Variants in RORA observed in about 807,000 individuals in gnomAD.
RORA encodes the protein RAR related orphan receptor A, also known as nuclear receptor ROR-alpha.
Under a neutral mutation model 69.5 loss-of-function variants are expected in RORA, and 7 were observed. That is an observed-to-expected ratio of 0.10 (90% CI 0.06 to 0.19). RORA has a LOEUF of 0.19. Ranked by LOEUF, RORA falls within the 10% of genes least tolerant of loss-of-function variation. The probability of loss-of-function intolerance (pLI) is 1.00; values close to 1 mark genes in which losing one functional copy is unlikely to be tolerated. For missense variants in RORA, 457 were observed against 663.0 expected (o/e 0.69, Z 3.41); for synonymous variants, 261 against 240.8 (o/e 1.08, Z -0.78).
chr15:60,839,255 A>G (rs1278336059), intron 1 of RORA, among the ~76,000 whole-genome samples: 2 of 152,170 alleles, frequency 1.3e-5, no homozygotes, highest in Non-Finnish European at 2.9e-5. Flanking sequence ...GTATTAATAT[A>G]TTGTACCCTT....
intron 1 of RORA, among the ~76,000 whole-genome samples, chr15:61,169,810 G>C (rs778292129): frequency 3.3e-5 from 5 of 152,064 alleles, no homozygotes; most frequent in African/African-American, 4.8e-5. Context: ...CCTGGTACAG[G>C]GCACCTGGGA....
chr15:61,044,258 G>C (rs956456752), intron 1 of RORA, among the ~76,000 whole-genome samples: 8 of 152,204 alleles, frequency 5.3e-5, no homozygotes, highest in Admixed American at 5.2e-4. Context: ...TGCTCCTCAA[G>C]TGAGGAGGCC....
At chr15:60,535,363 C>T (rs1018666160) in intron 2 of RORA, among the ~76,000 whole-genome samples, 1 of 152,172 alleles carries the variant, frequency 6.6e-6, no homozygotes, top group African/African-American at 2.4e-5. Context: ...ACATTTTCAG[C>T]CCTATTGCCT....
chr15:60,970,189 C>T (rs1302915305), intron 1 of RORA, among the ~76,000 whole-genome samples: 2 of 152,188 alleles, frequency 1.3e-5, no homozygotes, highest in Non-Finnish European at 2.9e-5. Flanking sequence ...TTGTTTAAGC[C>T]ACTCAGTCTA....
At chr15:60,982,040 T>G (rs1894059139) in intron 1 of RORA, among the ~76,000 whole-genome samples, 1 of 152,254 alleles carries the variant, frequency 6.6e-6, no homozygotes, top group African/African-American at 2.4e-5. Flanking sequence ...ACGTCATGTG[T>G]AGCCACTGAA....
intron 1 of RORA, among the ~76,000 whole-genome samples, chr15:61,223,584 C>T (rs1267574478): frequency 6.6e-6 from 1 of 152,202 alleles, no homozygotes; most frequent in Non-Finnish European, 1.5e-5. Flanking sequence ...CAATCTCTGA[C>T]ACTGTGTCCA....
At chr15:60,991,638 C>T (rs1022672912) in intron 1 of RORA, among the ~76,000 whole-genome samples, 1 of 152,060 alleles carries the variant, frequency 6.6e-6, no homozygotes, top group Non-Finnish European at 1.5e-5. Flanking sequence ...CAGCTCACAC[C>T]TGTAATCCCA....
chr15:60,786,850 A>C (rs2072341707), intron 1 of RORA, among the ~76,000 whole-genome samples: 1 of 152,172 alleles, frequency 6.6e-6, no homozygotes, highest in South Asian at 2.1e-4. Context: ...GTGCAGGTAA[A>C]GTCTTTCTGG....
chr15:61,122,634 A>G (rs1390921774), intron 1 of RORA, among the ~76,000 whole-genome samples: 1 of 152,178 alleles, frequency 6.6e-6, no homozygotes, highest in African/African-American at 2.4e-5. Flanking sequence ...AATTGAGGCT[A>G]AGAGAATCAG....
chr15:60,746,637 T>C (rs2071652887), intron 1 of RORA, among the ~76,000 whole-genome samples: 1 of 152,200 alleles, frequency 6.6e-6, no homozygotes, highest in Admixed American at 6.5e-5. Flanking sequence ...TTCTATTAAC[T>C]TTCCAGAAGA....
chr15:60,899,220 A>T (rs1345887207), intron 1 of RORA, among the ~76,000 whole-genome samples: 7 of 152,200 alleles, frequency 4.6e-5, no homozygotes, highest in Admixed American at 4.6e-4. Context: ...CCCAGGGAAG[A>T]TCTCATAGAA....
At chr15:60,717,352 A>C (rs992055055) in intron 1 of RORA, among the ~76,000 whole-genome samples, 1 of 152,230 alleles carries the variant, frequency 6.6e-6, no homozygotes, top group Admixed American at 6.5e-5. Flanking sequence ...CACCCAGAAC[A>C]GTGCCTTGTA....
intron 1 of RORA, among the ~76,000 whole-genome samples, chr15:61,190,021 A>G (rs1395120320): frequency 6.6e-6 from 1 of 152,132 alleles, no homozygotes; most frequent in African/African-American, 2.4e-5. Context: ...GCAATTTTTA[A>G]TAAAAAGAAT....
chr15:60,971,167 C>T (rs1893702594), intron 1 of RORA, among the ~76,000 whole-genome samples: 1 of 152,160 alleles, frequency 6.6e-6, no homozygotes, highest in South Asian at 2.1e-4. Flanking sequence ...GGACATCATG[C>T]CATGTGTTAG....
intron 2 of RORA, among the ~76,000 whole-genome samples, chr15:60,674,519 A>C (rs943102354): frequency 6.6e-6 from 1 of 152,214 alleles, no homozygotes; most frequent in African/African-American, 2.4e-5. Context: ...TGCAATAAAC[A>C]CTTTTTAAAA....
At chr15:60,936,180 T>C (rs1049659697) in intron 1 of RORA, among the ~76,000 whole-genome samples, 2 of 152,168 alleles carry the variant, frequency 1.3e-5, no homozygotes, top group African/African-American at 4.8e-5. Context: ...GGCCCAGAGG[T>C]ATCTATGGCC....
intron 2 of RORA, among the ~76,000 whole-genome samples, chr15:60,538,464 A>G (rs1220979554): frequency 1.3e-5 from 2 of 150,874 alleles, no homozygotes; most frequent in African/African-American, 4.9e-5. Context: ...CATTCATGGC[A>G]AAGATTGCGA....
chr15:61,097,335 T>C (rs1233339003), intron 1 of RORA, among the ~76,000 whole-genome samples: 3 of 152,164 alleles, frequency 2.0e-5, no homozygotes, highest in African/African-American at 7.2e-5. Context: ...AAGGAATTGC[T>C]ACATACCTGG....
chr15:61,224,340 A>G (rs2140951155), intron 1 of RORA, among the ~76,000 whole-genome samples: 1 of 152,264 alleles, frequency 6.6e-6, no homozygotes, highest in African/African-American at 2.4e-5. Context: ...TTTTTTTATT[A>G]TTTGTTTTTG....
Sources: gnomAD v4.1 joint callset for allele counts (sites outside exome capture counted in the v4.1 genomes callset) on GRCh38, gnomAD v4.1.1 for gene constraint, MANE v1.5 for transcripts, NCBI Gene and HGNC (gene_info 2026-07-23, HGNC 2026-07-21) for gene names.